Variants in AKR1D1 observed in about 807,000 individuals in gnomAD.
The protein encoded by AKR1D1 is delta(4)-3-ketosteroid 5-beta-reductase.
In AKR1D1, 32 loss-of-function variants were observed where a neutral mutation model predicts 42.6. That is an observed-to-expected ratio of 0.75 (90% CI 0.57 to 1.01). AKR1D1 has a LOEUF of 1.01. AKR1D1 is among the 50% of genes least tolerant of loss of function. The pLI is 0.00. For synonymous variants in AKR1D1, 123 were observed against 135.5 expected, an observed-to-expected ratio of 0.91 and a Z score of 0.64; for missense variants, 364 against 402.2, an observed-to-expected ratio of 0.91 and a Z score of 0.81.
At position 138,082,594 on chromosome 7, in the gene AKR1D1, A is replaced by G. The variant is rs368709525; in HGVS notation, c.93+5983A>G. ...TTATTGTAAGACAGGGTCTTACTATATTGCCCAGGCCAGTCTCAAACCCCT... is the reference window on the plus strand; with the variant it reads ...TTATTGTAAGACAGGGTCTTACTATGTTGCCCAGGCCAGTCTCAAACCCCT... On this transcript the variant is annotated intron_variant, in intron 1 of 8. Transcript: ENST00000242375. Among the ~76,000 whole-genome samples the G allele has an allele frequency of 3.9e-5, 6 of 152,072 alleles. No homozygotes were observed. The East Asian group carries it at 1.2e-3, about 29-fold the overall frequency.
At chr7:138,080,987 G>T (rs761483588) in intron 1 of AKR1D1, among the ~76,000 whole-genome samples, 1 of 152,224 alleles carries the variant, frequency 6.6e-6, no homozygotes, top group African/African-American at 2.4e-5. Context: ...GAGGACAGCC[G>T]TAATTGAGCT....
chr7:138,097,125 C>T (rs1037813981), intron 3 of AKR1D1, among the ~76,000 whole-genome samples: 2 of 152,136 alleles, frequency 1.3e-5, no homozygotes, highest in African/African-American at 4.8e-5. Flanking sequence ...CACCACCCCA[C>T]CTCATTTCCA....
intron 3 of AKR1D1, among the ~76,000 whole-genome samples, chr7:138,096,169 G>A (rs182496970): frequency 1.8e-4 from 27 of 151,798 alleles, no homozygotes; most frequent in East Asian, 5.8e-4. Context: ...TCATGCCACC[G>A]CACTCCAGCC....
rs116363840 is a variant in AKR1D1 at position 138,085,792 on chromosome 7, G to A, written c.94-2809G>A. On this transcript the variant is annotated intron_variant, in intron 1 of 8. Coordinates refer to ENST00000242375, the MANE Select transcript of AKR1D1 (RefSeq NM_005989.4). ...GCTCTCCTCTGTACTTCATTTTTTGGGTTAATCTTCAAAAATACAAGCACC... is the reference window on the plus strand; with the variant it reads ...GCTCTCCTCTGTACTTCATTTTTTGAGTTAATCTTCAAAAATACAAGCACC... Among the ~76,000 whole-genome samples the A allele has an allele frequency of 5.2e-3, 796 of 151,708 alleles. 5 individuals are homozygous for A. Among genetic ancestry groups the A allele is most frequent in the African/African-American group, 0.018 (737 of 41,402 alleles).
chr7:138,079,029 G>T (rs998543390), intron 1 of AKR1D1, among the ~76,000 whole-genome samples: 1 of 151,996 alleles, frequency 6.6e-6, no homozygotes, highest in Non-Finnish European at 1.5e-5. Flanking sequence ...GCAGGTTTTT[G>T]CTATGTTGCC....
chr7:138,106,771 G>T, intron 6 of AKR1D1, 54 bp downstream of exon 6: 1 of 1,347,332 alleles, frequency 7.4e-7, no homozygotes. Context: ...AGGCTCATGT[G>T]AACTACTGTA....
chr7:138,077,987 G>A (rs1562928779), intron 1 of AKR1D1, among the ~76,000 whole-genome samples: 1 of 151,950 alleles, frequency 6.6e-6, no homozygotes. Flanking sequence ...TTTAAGGCAG[G>A]GTCTTACTCT....
chr7:138,112,210 G>T (rs1426746123), intron 7 of AKR1D1, among the ~76,000 whole-genome samples: 1 of 152,128 alleles, frequency 6.6e-6, no homozygotes, highest in Non-Finnish European at 1.5e-5. Context: ...ACTTAAAGGA[G>T]AGGACTAGTG....
intron 7 of AKR1D1, among the ~76,000 whole-genome samples, chr7:138,110,830 G>T (rs1794522704): frequency 6.6e-6 from 1 of 152,016 alleles, no homozygotes; most frequent in African/African-American, 2.4e-5. Context: ...CTAATACGGA[G>T]CCAGGATATT....
intron 7 of AKR1D1, among the ~76,000 whole-genome samples, chr7:138,111,335 G>A (rs1025895152): frequency 4.6e-5 from 7 of 152,040 alleles, no homozygotes; most frequent in Non-Finnish European, 7.4e-5. Context: ...AGTTGTTCTC[G>A]CTGCTTCCCA....
In AKR1D1 at chr7:138,106,790, G is replaced by C. The variant is rs1001365839; in HGVS notation, c.689+73G>C. 14 of 1,224,122 alleles carry C rather than the reference G, an allele frequency of 1.1e-5. No homozygotes were observed. The South Asian group carries it at 1.6e-4, about 14-fold the overall frequency. 75.8% of individuals were successfully genotyped at this position (1,224,122 alleles called of 1,614,324 possible). On this transcript the variant is annotated intron_variant, in intron 6 of 8. Transcript: ENST00000242375. ...TCATGTGAACTACTGTATTTGATTG[G>C]AATGCCTTTTGGTTTGCCTGTGCAA...
chr7:138,112,933 A>G (rs1794562735), intron 7 of AKR1D1, among the ~76,000 whole-genome samples: 1 of 152,100 alleles, frequency 6.6e-6, no homozygotes, highest in Admixed American at 6.5e-5. Context: ...TTAGAATAAA[A>G]AGGTAGAAGA....
In AKR1D1 at chr7:138,087,956, T is replaced by A. The variant is rs1793971963; in HGVS notation, c.94-645T>A. ...CCCAGTCTGGAGTACAGTGGCATGA[T>A]CATGACTCACTGCAGCCTTCAACTC... On this transcript the variant is annotated intron_variant, in intron 1 of 8. Transcript: ENST00000242375. Among the ~76,000 whole-genome samples the A allele has an allele frequency of 2.0e-5, 3 of 151,504 alleles. No individual in the cohort carries two copies. In the South Asian group the frequency reaches 6.3e-4, roughly 32 times the overall value.
intron 1 of AKR1D1, among the ~76,000 whole-genome samples, chr7:138,078,068 C>A (rs775207476): frequency 6.6e-6 from 1 of 152,156 alleles, no homozygotes; most frequent in Non-Finnish European, 1.5e-5. Context: ...CTCAAGCAAT[C>A]ATTCTGACTC....
intron 6 of AKR1D1, chr7:138,107,129 C>T (rs1324941027): frequency 3.3e-6 from 2 of 598,372 alleles, no homozygotes; most frequent in South Asian, 1.6e-5. Flanking sequence ...CCACTTCAGT[C>T]TTCCTACCTT....
At chr7:138,082,161 C>T (rs945039694) in intron 1 of AKR1D1, among the ~76,000 whole-genome samples, 1 of 152,152 alleles carries the variant, frequency 6.6e-6, no homozygotes, top group Non-Finnish European at 1.5e-5. Flanking sequence ...CTTCCTTCTA[C>T]CTAATTCCTT....
chr7:138,115,379 G>C (rs749490382), intron 8 of AKR1D1, among the ~76,000 whole-genome samples: 31 of 152,096 alleles, frequency 2.0e-4, no homozygotes, highest in Non-Finnish European at 4.3e-4. Flanking sequence ...GACTTTGAGT[G>C]AGCTAAGGCT....
intron 3 of AKR1D1, among the ~76,000 whole-genome samples, chr7:138,096,792 T>C (rs1465127554): frequency 6.6e-6 from 1 of 152,220 alleles, no homozygotes; most frequent in Non-Finnish European, 1.5e-5. Flanking sequence ...CCAAATGTTG[T>C]TATGCCCAGT....
chr7:138,100,210 A>G (rs1482073491), intron 4 of AKR1D1, among the ~76,000 whole-genome samples: 1 of 151,718 alleles, frequency 6.6e-6, no homozygotes, highest in Non-Finnish European at 1.5e-5. Context: ...ATCCAAGACA[A>G]AGCAGAAAAA....
Sources: gnomAD v4.1 joint callset for allele counts (sites outside exome capture counted in the v4.1 genomes callset) on GRCh38, gnomAD v4.1.1 for gene constraint, MANE v1.5 for transcripts, NCBI Gene and HGNC (gene_info 2026-07-23, HGNC 2026-07-21) for gene names.